HS6ST2: variants seen among roughly 807,000 people sequenced by gnomAD.
HS6ST2 encodes heparan sulfate 6-O-sulfotransferase 2, also known as heparan-sulfate 6-O-sulfotransferase 2.
HS6ST2 carries 17 observed loss-of-function variants against 33.0 expected under a neutral mutation model. That is an observed-to-expected ratio of 0.52 (90% confidence interval 0.35 to 0.77). HS6ST2 has a LOEUF of 0.77. HS6ST2 is among the 30% of genes least tolerant of loss of function. The pLI is 0.01. For synonymous variants in HS6ST2, 248 were observed against 237.1 expected (o/e 1.05, Z -0.42); for missense variants, 519 against 551.7 (o/e 0.94, Z 0.59).
At chrX:132,950,811 C>A (rs1233214775) in intron 2 of HS6ST2, among the ~76,000 whole-genome samples, 1 of 111,543 alleles carries the variant, frequency 9.0e-6, no homozygotes, top group African/African-American at 3.3e-5. Context: ...TTTTTTTTGA[C>A]AGATAAGCAT....
At chrX:132,838,271 G>C (rs2065665211) in intron 2 of HS6ST2, among the ~76,000 whole-genome samples, 1 of 111,670 alleles carries the variant, frequency 9.0e-6, no homozygotes, top group Admixed American at 9.5e-5. Context: ...AGAGTCATCA[G>C]TTCTGTCCGG....
chrX:132,719,104 G>A (rs1170298947), intron 2 of HS6ST2, among the ~76,000 whole-genome samples: 1 of 111,876 alleles, frequency 8.9e-6, no homozygotes, highest in African/African-American at 3.3e-5. Flanking sequence ...TTGGGAAAGA[G>A]TTGTGCTTGC....
chrX:132,940,457 G>C (rs2066874456), intron 2 of HS6ST2, among the ~76,000 whole-genome samples: 1 of 111,864 alleles, frequency 8.9e-6, no homozygotes, highest in Non-Finnish European at 1.9e-5. Flanking sequence ...AAACTTTCCT[G>C]CTTCAATGGG....
At chrX:132,847,631 A>C (rs1443916519) in intron 2 of HS6ST2, among the ~76,000 whole-genome samples, 1 of 111,607 alleles carries the variant, frequency 9.0e-6, no homozygotes, top group Non-Finnish European at 1.9e-5. Flanking sequence ...ACCACATCTG[A>C]ACATTGTTAA....
chrX:132,896,287 G>A (rs767839289), intron 2 of HS6ST2, among the ~76,000 whole-genome samples: 10 of 110,557 alleles, frequency 9.0e-5, no homozygotes, highest in African/African-American at 1.6e-4. Flanking sequence ...TGGCTAACAC[G>A]GTAAAACCTC....
chrX:132,698,538 AT>A (rs748564069), intron 3 of HS6ST2, among the ~76,000 whole-genome samples: 1 of 111,795 alleles, frequency 8.9e-6, no homozygotes, highest in African/African-American at 3.2e-5. Flanking sequence ...TGTAGTATAT[AT>A]TTTTACTGAC....
chrX:132,785,514 A>G (rs1438175386), intron 2 of HS6ST2, among the ~76,000 whole-genome samples: 1 of 112,376 alleles, frequency 8.9e-6, no homozygotes, highest in Admixed American at 9.4e-5. Context: ...TCCCCTGTTC[A>G]GCACATCACC....
intron 2 of HS6ST2, among the ~76,000 whole-genome samples, chrX:132,917,610 C>T (rs1050644534): frequency 1.4e-4 from 15 of 110,639 alleles, no homozygotes; most frequent in Admixed American, 1.3e-3. Context: ...AAAAAAAGAC[C>T]CTGTTGAAAG....
chrX:132,950,763 T>A (rs912806999), intron 2 of HS6ST2, among the ~76,000 whole-genome samples: 1 of 112,182 alleles, frequency 8.9e-6, no homozygotes, highest in Non-Finnish European at 1.9e-5. Flanking sequence ...GTTGTAATTG[T>A]GCATATTATT....
intron 3 of HS6ST2, 26 bp from the exon 4 acceptor site, chrX:132,669,225 CAT>C (rs2063837865): frequency 8.6e-7 from 1 of 1,167,779 alleles, no homozygotes; most frequent in South Asian, 1.9e-5. Context: ...GAATAGAAAA[CAT>C]ATACACAACA....
At chrX:132,940,560 TA>T (rs763084167) in intron 2 of HS6ST2, among the ~76,000 whole-genome samples, 10 of 111,012 alleles carry the variant, frequency 9.0e-5, no homozygotes, top group East Asian at 5.6e-4. Context: ...AGAATATGTT[TA>T]AAAAAAACCA....
chrX:132,723,462 A>C (rs1427233292), intron 2 of HS6ST2, among the ~76,000 whole-genome samples: 1 of 112,385 alleles, frequency 8.9e-6, no homozygotes, highest in Admixed American at 9.4e-5. Context: ...TATATTAAAA[A>C]GATCATTCAT....
chrX:132,937,313 A>G (rs1259700053), intron 2 of HS6ST2, among the ~76,000 whole-genome samples: 1 of 112,114 alleles, frequency 8.9e-6, no homozygotes, highest in Admixed American at 9.5e-5. Context: ...CAAAATACCA[A>G]TAACATTCTT....
chrX:132,735,371 C>A (rs1471349097), intron 2 of HS6ST2: 3 of 111,155 alleles, frequency 2.7e-5, no homozygotes, highest in African/African-American at 9.8e-5. Context: ...GTTTCAGAGC[C>A]TTTTGGGCAA....
intron 2 of HS6ST2, among the ~76,000 whole-genome samples, chrX:132,725,824 T>C (rs757209407): frequency 4.5e-5 from 5 of 111,884 alleles, no homozygotes; most frequent in Non-Finnish European, 9.4e-5. Flanking sequence ...TGGAGTACTA[T>C]TCAGCCATAA....
chrX:132,823,852 A>AT (rs1381902687), intron 2 of HS6ST2, among the ~76,000 whole-genome samples: 55 of 90,757 alleles, frequency 6.1e-4, no homozygotes, highest in African/African-American at 1.4e-3. Context: ...GACTTCATAA[A>AT]AAATAATAAT....
At chrX:132,860,777 C>CTTTTTTTTTTTT (rs58059164) in intron 2 of HS6ST2, among the ~76,000 whole-genome samples, 1 of 52,896 alleles carries the variant, frequency 1.9e-5, no homozygotes. Context: ...GCATGTGTAT[C>CTTTTTTTTTTTT]TTTTTTTTTT....
At chrX:132,675,574 T>A (rs911969986) in intron 3 of HS6ST2, among the ~76,000 whole-genome samples, 1 of 111,408 alleles carries the variant, frequency 9.0e-6, no homozygotes, top group African/African-American at 3.3e-5. Context: ...CCACCCAGAT[T>A]GCTTACAGAT....
intron 2 of HS6ST2, among the ~76,000 whole-genome samples, chrX:132,844,512 C>G (rs976220426): frequency 2.7e-5 from 3 of 111,567 alleles, no homozygotes; most frequent in Admixed American, 9.6e-5. Flanking sequence ...CCTCTCATTT[C>G]TCTTAGCATC....
Sources: allele counts gnomAD v4.1 joint callset (sites outside exome capture counted in the v4.1 genomes callset), GRCh38; gene constraint gnomAD v4.1.1; transcripts MANE v1.5; gene names NCBI Gene and HGNC (gene_info 2026-07-23, HGNC 2026-07-21).